The following TMEM131L variants were observed in gnomAD, a reference collection of about 807,000 sequenced individuals.
TMEM131L encodes the protein transmembrane 131 like, also known as transmembrane protein 131-like.
In TMEM131L, 54 loss-of-function variants were observed where a neutral mutation model predicts 192.2. That is an observed-to-expected ratio of 0.28 (90% CI 0.23 to 0.35). The LOEUF is 0.35. TMEM131L is among the 10% of genes least tolerant of loss of function. The probability of loss-of-function intolerance (pLI) is 1.00; values close to 1 mark genes in which losing one functional copy is unlikely to be tolerated. For missense variants in TMEM131L, 1,888 were observed against 1,972.9 expected, an observed-to-expected ratio of 0.96 and a Z score of 0.82; for synonymous variants, 701 against 704.9, an observed-to-expected ratio of 0.99 and a Z score of 0.09.
Position 153,634,358 on chromosome 4 carries a change from G to A in TMEM131L, c.4417+78G>A, listed in dbSNP as rs1460433578. 6 of 1,186,710 alleles carry A rather than the reference G, an allele frequency of 5.1e-6. No homozygotes were observed. In the East Asian group the frequency reaches 1.2e-4, roughly 23 times the overall value. 73.5% of individuals were successfully genotyped at this position (1,186,710 alleles called of 1,614,324 possible). ...AAGCAGGAAGTGTGTGGACTAAGAA[G>A]AATCCTTTTAACAGCGAGCAGACTT... On this transcript the variant is annotated intron_variant, in intron 33 of 34. Transcript: ENST00000409959.
rs1451759665 is a variant in TMEM131L at position 153,617,803 on chromosome 4, T to A, written c.3568-2953T>A. ...GAAAGAGGAGACACAAGGTAGTCTA[T>A]AATTCACCTTTTCTAAAAACATTAT... On this transcript the variant is annotated intron_variant, in intron 26 of 34. Transcript: ENST00000409959. Among the ~76,000 whole-genome samples the A allele has an allele frequency of 4.0e-5, 6 of 151,620 alleles. No individual in the cohort carries two copies. The East Asian group carries it at 1.2e-3, about 29-fold the overall frequency.
In TMEM131L at chr4:153,555,998, T is replaced by C; in HGVS notation, c.432+88T>C. 7.5e-7 allele frequency: 1 copy of C among 1,331,322 alleles called. No homozygotes were observed. The highest frequency in any genetic ancestry group is 1.0e-6 in the Non-Finnish European group (1 of 976,424). 82.5% of individuals were successfully genotyped at this position (1,331,322 alleles called of 1,614,324 possible). A position where few individuals can be genotyped will look rare whatever the true frequency, so the allele number is the denominator to read the frequency against. On this transcript the variant is annotated intron_variant, in intron 5 of 34. Transcript: ENST00000409959. This position sits in a 1 kb window ranked among gnomAD's most constrained non-coding sequence, Gnocchi z 4.1. ...TTGGCCTGAAGTTTTTACTTTCTGC[T>C]CCCTGTCTCCCGCTTTTTCTGGTAC...
chr4:153,486,067 G>A (rs931102017), intron 3 of TMEM131L, among the ~76,000 whole-genome samples: 2 of 152,066 alleles, frequency 1.3e-5, no homozygotes, highest in Non-Finnish European at 2.9e-5. Context: ...GCTGTCTGTC[G>A]AAGGAGACTA....
chr4:153,554,664 A>G lies in TMEM131L; in HGVS notation c.309-1123A>G, dbSNP rs116536135. On this transcript the variant is annotated intron_variant, in intron 4 of 34. Coordinates refer to ENST00000409959, the MANE Select transcript of TMEM131L (RefSeq NM_001131007.2). ...TTCATTCAGCTTAAATTAGAATATA[A>G]TTTTATTTCTAGGCCATCCGAATGA... Among the ~76,000 whole-genome samples the G allele has an allele frequency of 9.1e-3, 1,384 of 152,322 alleles. 20 individuals are homozygous for G. Among genetic ancestry groups the G allele is most frequent in the African/African-American group, 0.031 (1,300 of 41,558 alleles).
chr4:153,534,624 G>A (rs912551752), intron 3 of TMEM131L, among the ~76,000 whole-genome samples: 10 of 152,042 alleles, frequency 6.6e-5, no homozygotes, highest in African/African-American at 2.4e-4. Context: ...TAGTAGAGAC[G>A]GGATTTCACC....
intron 3 of TMEM131L, among the ~76,000 whole-genome samples, chr4:153,521,495 CTTAG>C (rs1313335922): frequency 6.6e-6 from 1 of 152,150 alleles, no homozygotes; most frequent in African/African-American, 2.4e-5. Flanking sequence ...GTTCTTTTTA[CTTAG>C]TTATTTTTTA....
chr4:153,506,562 G>A (rs370371335), intron 3 of TMEM131L, among the ~76,000 whole-genome samples: 8 of 152,188 alleles, frequency 5.3e-5, no homozygotes, highest in Admixed American at 1.3e-4. Flanking sequence ...AAGTATTTAC[G>A]CCGGGTGCGG....
intron 3 of TMEM131L, among the ~76,000 whole-genome samples, chr4:153,474,291 A>G (rs553148413): frequency 3.9e-4 from 60 of 152,358 alleles, no homozygotes; most frequent in African/African-American, 1.3e-3. Context: ...GACAAGAGCT[A>G]TCAAGAATTA....
At chr4:153,522,042 T>C (rs1017461603) in intron 3 of TMEM131L, among the ~76,000 whole-genome samples, 2 of 152,218 alleles carry the variant, frequency 1.3e-5, no homozygotes, top group Admixed American at 6.5e-5. Flanking sequence ...CAGAATCGTT[T>C]AGAGTGAAAT....
chr4:153,548,665 A>G (rs999555497), intron 3 of TMEM131L, among the ~76,000 whole-genome samples: 4 of 152,226 alleles, frequency 2.6e-5, no homozygotes, highest in Admixed American at 1.3e-4. Context: ...CAAACAGACT[A>G]TAATGGAGAG....
chr4:153,536,714 AT>A, intron 3 of TMEM131L, among the ~76,000 whole-genome samples: 2 of 146,166 alleles, frequency 1.4e-5, no homozygotes. Context: ...CTGTCTGTCT[AT>A]CTATCTCCCT....
chr4:153,513,747 A>G (rs1399935097), intron 3 of TMEM131L, among the ~76,000 whole-genome samples: 2 of 152,186 alleles, frequency 1.3e-5, no homozygotes, highest in African/African-American at 4.8e-5. Flanking sequence ...ATGTCAAAAC[A>G]TTAAAAGATG....
intron 3 of TMEM131L, among the ~76,000 whole-genome samples, chr4:153,517,295 G>A (rs975312059): frequency 6.6e-6 from 1 of 152,122 alleles, no homozygotes; most frequent in African/African-American, 2.4e-5. Flanking sequence ...ACCTCTGCTG[G>A]GACATCCCTT....
Position 153,620,862 on chromosome 4 carries a change from G to T in TMEM131L, c.3674G>T (p.Gly1225Val). The change falls in exon 27 of 35, where the codon GGT (glycine) becomes GTT (valine). Residue 1225 changes from glycine (G) to valine (V), a missense_variant. Coordinates refer to ENST00000409959, the MANE Select transcript of TMEM131L (RefSeq NM_001131007.2). ...ACATGTAGAAAGAACAAGAAAAGGG[G>T]TGTTGCTCCAGTCTCAAGGTGCGTA... ...SRTCRKNKKRGVAPVSRPPEQ... is the reference protein window; with the variant it reads ...SRTCRKNKKRVVAPVSRPPEQ... 2 of 1,595,936 alleles carry T rather than the reference G, an allele frequency of 1.3e-6. No homozygotes were observed. The highest frequency in any genetic ancestry group is 1.7e-6 in the Non-Finnish European group (2 of 1,174,174).
Position 153,469,157 on chromosome 4 carries a change from A to G in TMEM131L, c.195+1876A>G, listed in dbSNP as rs569603243. On this transcript the variant is annotated intron_variant, in intron 2 of 34. Coordinates refer to ENST00000409959, the MANE Select transcript of TMEM131L (RefSeq NM_001131007.2). ...AATTCAGAAGCTGTCTGGGATATTC[A>G]GTATAGAGGGATTTATAGCTAAGCT... Among the ~76,000 whole-genome samples the G allele has an allele frequency of 5.3e-5, 8 of 152,362 alleles. No individual in the cohort carries two copies. The South Asian group carries it at 1.7e-3, about 32-fold the overall frequency.
At chr4:153,587,371 C>CTA (rs1730766233) in intron 14 of TMEM131L, among the ~76,000 whole-genome samples, 1 of 151,812 alleles carries the variant, frequency 6.6e-6, no homozygotes, top group Non-Finnish European at 1.5e-5. Context: ...TGTCCTGAGA[C>CTA]TAATCTAATC....
intron 25 of TMEM131L, 105 bp downstream of exon 25, chr4:153,604,535 G>A (rs1732082211): frequency 1.7e-6 from 2 of 1,146,410 alleles, no homozygotes; most frequent in East Asian, 2.4e-5. Context: ...TGGATGCTGA[G>A]TTTTAGCAAA....
chr4:153,628,448 T>C lies in TMEM131L; in HGVS notation c.4207+761T>C, dbSNP rs558535238. Among the ~76,000 whole-genome samples the C allele has an allele frequency of 5.3e-5, 8 of 152,378 alleles. No individual in the cohort carries two copies. The East Asian group carries it at 1.5e-3, about 29-fold the overall frequency. On this transcript the variant is annotated intron_variant, in intron 31 of 34. Coordinates refer to ENST00000409959, the MANE Select transcript of TMEM131L (RefSeq NM_001131007.2). ...GTGGCAGGATAAACCTGATTTTTAT[T>C]CTCTGTGTCTTTAATACACATACTT...
chr4:153,518,642 C>G (rs547622473), intron 3 of TMEM131L, among the ~76,000 whole-genome samples: 6 of 152,104 alleles, frequency 3.9e-5, no homozygotes, highest in Non-Finnish European at 5.9e-5. Flanking sequence ...AACATCAGGC[C>G]AATTACTGAG....
Sources: gnomAD v4.1 joint callset for allele counts (sites outside exome capture counted in the v4.1 genomes callset) on GRCh38, gnomAD v4.1.1 for gene constraint, Gnocchi (gnomAD v3.1) non-coding constraint, MANE v1.5 for transcripts, NCBI Gene and HGNC (gene_info 2026-07-23, HGNC 2026-07-21) for gene names.